The following PPP2R1A variants were observed in gnomAD, a reference collection of about 807,000 sequenced individuals.
PPP2R1A encodes serine/threonine-protein phosphatase 2A 65 kDa regulatory subunit A alpha isoform.
PPP2R1A carries 15 observed loss-of-function variants against 67.1 expected under a neutral mutation model. The ratio of observed to expected loss-of-function variants is 0.22; its 90% CI spans 0.15 to 0.34. The LOEUF is 0.34. Ranked by LOEUF, PPP2R1A falls within the 10% of genes least tolerant of loss-of-function variation. The pLI, the probability that PPP2R1A is intolerant of heterozygous loss-of-function variation, is 1.00. For synonymous variants in PPP2R1A, 337 were observed against 325.0 expected, an observed-to-expected ratio of 1.04 and a Z score of -0.40; for missense variants, 369 against 775.0, an observed-to-expected ratio of 0.48 and a Z score of 6.22.
chr19:52,220,946 A>ATCCCTG (rs775906729), intron 11 of PPP2R1A, 33 bp from the exon 12 acceptor site: 39 of 1,611,988 alleles, frequency 2.4e-5, no homozygotes, highest in Non-Finnish European at 3.3e-5. Flanking sequence ...TCACCTCCAA[A>ATCCCTG]TCCCTGTCTC....
chr19:52,215,749 C>A lies in PPP2R1A; in HGVS notation c.808-30C>A, dbSNP rs1014955820. On this transcript the variant is annotated intron_variant, in intron 6 of 14. Coordinates refer to ENST00000322088, the MANE Select transcript of PPP2R1A (RefSeq NM_014225.6). The stretch of plus-strand genomic sequence containing the variant: ...CCCAGAGTAAACTGCCAGCCCCTCT[C>A]ACTCTCCCCCTCCTCCTTCCTGTCT... 3.1e-6 allele frequency: 5 copies of A among 1,590,828 alleles called. No individual in the cohort carries two copies. The African/African-American group carries it at 5.4e-5, about 17-fold the overall frequency.
intron 3 of PPP2R1A, among the ~76,000 whole-genome samples, chr19:52,210,904 T>C (rs1343169268): frequency 6.6e-6 from 1 of 152,176 alleles, no homozygotes; most frequent in Non-Finnish European, 1.5e-5. Context: ...GTAGATGTTC[T>C]ACACAGTGTC....
rs200123377 is a variant in PPP2R1A at position 52,211,484 on chromosome 19, A to G, written c.495A>G (p.Glu165=). The G allele has an allele frequency of 4.4e-6, 7 of 1,606,676 alleles. No individual in the cohort carries two copies. In the East Asian group the frequency reaches 1.6e-4, roughly 36 times the overall value. Residue 165 remains glutamate, a synonymous_variant, in exon 4 of 15, where the codon GAA becomes GAG. Coordinates refer to ENST00000322088, the MANE Select transcript of PPP2R1A (RefSeq NM_014225.6). The surrounding 1 kb of genome is among the most constrained non-coding windows in gnomAD (Gnocchi z 5.3). ...GAGTGTCCAGTGCTGTGAAGGCGGA[A>G]CTTCGACAGTGAGTCTCTGCCTCCT... ...YPRVSSAVKA[E]LRQYFRNLCS...
At chr19:52,198,420 G>C (rs1180892013) in intron 1 of PPP2R1A, among the ~76,000 whole-genome samples, 1 of 152,168 alleles carries the variant, frequency 6.6e-6, no homozygotes, top group East Asian at 1.9e-4. Flanking sequence ...GGCATCCCCA[G>C]CTTCAAGTTG....
chr19:52,209,653 A>T (rs896363322), intron 3 of PPP2R1A, among the ~76,000 whole-genome samples: 1 of 152,028 alleles, frequency 6.6e-6, no homozygotes, highest in Non-Finnish European at 1.5e-5. Context: ...GAAATTCCAA[A>T]CCCATTGGAC....
intron 13 of PPP2R1A, among the ~76,000 whole-genome samples, chr19:52,225,389 G>A (rs1979193164): frequency 6.6e-6 from 1 of 152,236 alleles, no homozygotes; most frequent in South Asian, 2.1e-4. Context: ...TCAATAATGT[G>A]TGCAAATGTG....
rs542111498 is a variant in PPP2R1A, at chr19:52,212,090, T to C, written c.504-596T>C. 6.6e-6 allele frequency among the ~76,000 whole-genome samples: 1 copy of C among 152,288 alleles called. No homozygotes were observed. The highest frequency in any genetic ancestry group is 1.9e-4 in the East Asian group (1 of 5,180). On this transcript the variant is annotated intron_variant, in intron 4 of 14. Transcript: ENST00000322088. The surrounding 1 kb of genome is among the most constrained non-coding windows in gnomAD (Gnocchi z 4.1). Reference sequence around the variant, plus strand: ...TGCCTCTTAGTTAAGCAGTTTTTTGTTTGTTTGTTTTTTGAGATAGGATCT... The same window carrying C: ...TGCCTCTTAGTTAAGCAGTTTTTTGCTTGTTTGTTTTTTGAGATAGGATCT...
chr19:52,222,741 T>C lies in PPP2R1A; in HGVS notation c.1661+500T>C, dbSNP rs554251231. On this transcript the variant is annotated intron_variant, in intron 13 of 14. Transcript: ENST00000322088. Reference sequence around the variant, plus strand: ...AAATACAAAAAATTAGCCGGTGCGGTAGCACTCACCTGTAATCCTAGCTAT... The same window carrying C: ...AAATACAAAAAATTAGCCGGTGCGGCAGCACTCACCTGTAATCCTAGCTAT... Among the ~76,000 whole-genome samples the C allele has an allele frequency of 3.9e-5, 6 of 152,306 alleles. No individual in the cohort carries two copies. In the South Asian group the frequency reaches 1.2e-3, roughly 32 times the overall value.
At chr19:52,190,308 C>T (rs1323810376) in intron 1 of PPP2R1A, 134 bp downstream of exon 1, 5 of 1,081,880 alleles carry the variant, frequency 4.6e-6, no homozygotes, top group South Asian at 4.5e-5. Context: ...CGTCTCTTAT[C>T]TCCCCGGTTG....
chr19:52,212,255 T>G lies in PPP2R1A; in HGVS notation c.504-431T>G, dbSNP rs73575040. Among the ~76,000 whole-genome samples, 12,307 of 152,066 alleles carry G rather than the reference T, an allele frequency of 0.081. 543 individuals carry two copies. Among genetic ancestry groups the G allele is most frequent in the Middle Eastern group, 0.12 (36 of 294 alleles). ...TGTGCAACACCACGCTGGGCTCATT[T>G]TTTATTTTTGGCAGAGATGGGGTCT... On this transcript the variant is annotated intron_variant, in intron 4 of 14. Transcript: ENST00000322088. This position sits in a 1 kb window ranked among gnomAD's most constrained non-coding sequence, Gnocchi z 4.1.
chr19:52,194,506 C>T (rs1312249937), intron 1 of PPP2R1A, among the ~76,000 whole-genome samples: 4 of 152,104 alleles, frequency 2.6e-5, no homozygotes, highest in South Asian at 2.1e-4. Flanking sequence ...GATCCTTCCT[C>T]TGGCTGTCAT....
chr19:52,226,031 C>G lies in PPP2R1A; in HGVS notation c.*50C>G, dbSNP rs1216351901. 6.2e-7 allele frequency: 1 copy of G among 1,613,920 alleles called. No homozygotes were observed. Among genetic ancestry groups the G allele is most frequent in the Non-Finnish European group, 8.5e-7 (1 of 1,179,752 alleles). On this transcript the variant is annotated 3_prime_UTR_variant, in exon 15 of 15. Coordinates refer to ENST00000322088, the MANE Select transcript of PPP2R1A (RefSeq NM_014225.6). ...CCTCTGGTGTCCACCCTCCAACCCC[C>G]ACAAGTCCCTCTTTGGGGAGACACT...
At chr19:52,194,088 C>CAAAA (rs915576804) in intron 1 of PPP2R1A, among the ~76,000 whole-genome samples, 19 of 60,484 alleles carry the variant, frequency 3.1e-4, no homozygotes, top group African/African-American at 7.0e-4. Context: ...ACCCTGTCTC[C>CAAAA]AAAAAAAAAA....
At chr19:52,204,078 G>A (rs557914129) in intron 2 of PPP2R1A, among the ~76,000 whole-genome samples, 36 of 152,290 alleles carry the variant, frequency 2.4e-4, no homozygotes, top group African/African-American at 8.7e-4. Flanking sequence ...AGGGTCCTGA[G>A]TGGAACGGAG....
Position 52,216,395 on chromosome 19 carries a change from C to T in PPP2R1A, c.994-134C>T, listed in dbSNP as rs1978574137. The T allele has an allele frequency of 8.2e-7, 1 of 1,218,936 alleles. No individual in the cohort carries two copies. The highest frequency in any genetic ancestry group is 1.1e-6 in the Non-Finnish European group (1 of 871,770). 75.5% of individuals were successfully genotyped at this position (1,218,936 alleles called of 1,614,324 possible). On this transcript the variant is annotated intron_variant, in intron 8 of 14. Coordinates refer to ENST00000322088, the MANE Select transcript of PPP2R1A (RefSeq NM_014225.6). This position sits in a 1 kb window ranked among gnomAD's most constrained non-coding sequence, Gnocchi z 4.3. ...ATAAGGAATAGTGATTTCCCCTGTA[C>T]CCTAAGCCATCCCCTGCTCTATGAA...
intron 1 of PPP2R1A, among the ~76,000 whole-genome samples, chr19:52,199,370 C>T (rs10424090): frequency 0.02 from 3,113 of 152,136 alleles, 103 homozygotes; most frequent in African/African-American, 0.072. Context: ...GGGGTTTCAC[C>T]GTGTTAGCCA....
chr19:52,218,916 G>T (rs1362936517), intron 9 of PPP2R1A, among the ~76,000 whole-genome samples: 8 of 152,132 alleles, frequency 5.3e-5, no homozygotes, highest in Non-Finnish European at 7.4e-5. Flanking sequence ...GAACCAGCAT[G>T]GTTTTCTTGG....
rs908159086 is a variant in PPP2R1A, at chr19:52,212,281, C to G, written c.504-405C>G. Among the ~76,000 whole-genome samples the G allele has an allele frequency of 2.0e-5, 3 of 151,990 alleles. No individual in the cohort carries two copies. The South Asian group carries it at 6.2e-4, about 32-fold the overall frequency. On this transcript the variant is annotated intron_variant, in intron 4 of 14. Coordinates refer to ENST00000322088, the MANE Select transcript of PPP2R1A (RefSeq NM_014225.6). The surrounding 1 kb of genome is among the most constrained non-coding windows in gnomAD (Gnocchi z 4.1). ...TTTATTTTTGGCAGAGATGGGGTCT[C>G]ACTATGTTGCTCAGGCTGGTCTTGA...
At chr19:52,215,170 T>A (rs1978489746) in intron 6 of PPP2R1A, among the ~76,000 whole-genome samples, 1 of 152,122 alleles carries the variant, frequency 6.6e-6, no homozygotes, top group African/African-American at 2.4e-5. Context: ...ATCCTCCCAC[T>A]TCAGCCTTCT....
Sources: allele counts gnomAD v4.1 joint callset (sites outside exome capture counted in the v4.1 genomes callset), GRCh38; gene constraint gnomAD v4.1.1; non-coding constraint Gnocchi (gnomAD v3.1); transcripts MANE v1.5; gene names NCBI Gene and HGNC (gene_info 2026-07-23, HGNC 2026-07-21).